Variants in CTNNA3 observed in about 807,000 individuals in gnomAD.
CTNNA3 encodes catenin alpha 3.
Under a neutral mutation model 95.7 loss-of-function variants are expected in CTNNA3, and 76 were observed. The ratio of observed to expected loss-of-function variants is 0.79; its 90% CI spans 0.66 to 0.96. CTNNA3 has a LOEUF of 0.96. CTNNA3 is among the 40% of genes least tolerant of loss of function. The pLI is 0.00. For synonymous variants in CTNNA3, 431 were observed against 374.4 expected, an observed-to-expected ratio of 1.15 and a Z score of -1.74; for missense variants, 1,191 against 1,089.8, an observed-to-expected ratio of 1.09 and a Z score of -1.31.
intron 7 of CTNNA3, among the ~76,000 whole-genome samples, chr10:66,821,646 T>C (rs979459975): frequency 1.3e-5 from 2 of 152,208 alleles, no homozygotes; most frequent in African/African-American, 4.8e-5. Context: ...TTCCTAAATG[T>C]TTAGCATTAT....
At chr10:67,410,839 T>C (rs1845338598) in intron 5 of CTNNA3, among the ~76,000 whole-genome samples, 1 of 152,092 alleles carries the variant, frequency 6.6e-6, no homozygotes, top group Non-Finnish European at 1.5e-5. Context: ...GAAAATGTGT[T>C]ATATATACAC....
chr10:66,299,361 A>T (rs1425775377), intron 12 of CTNNA3, among the ~76,000 whole-genome samples: 9 of 152,226 alleles, frequency 5.9e-5, no homozygotes, highest in Non-Finnish European at 7.3e-5. Context: ...AAATATAGTT[A>T]AAAAATTGTA....
intron 11 of CTNNA3, among the ~76,000 whole-genome samples, chr10:66,500,175 C>T (rs1384113972): frequency 1.3e-5 from 2 of 152,008 alleles, no homozygotes; most frequent in African/African-American, 2.4e-5. Flanking sequence ...CACACATACA[C>T]TATTTATTAT....
chr10:66,214,427 AT>A (rs2088379491), intron 13 of CTNNA3, among the ~76,000 whole-genome samples: 1 of 152,150 alleles, frequency 6.6e-6, no homozygotes, highest in Admixed American at 6.5e-5. Context: ...GTTATTTGTG[AT>A]TGTATATTGA....
At chr10:66,035,690 TG>T (rs1044499947) in intron 15 of CTNNA3, among the ~76,000 whole-genome samples, 1 of 152,010 alleles carries the variant, frequency 6.6e-6, no homozygotes, top group Non-Finnish European at 1.5e-5. Flanking sequence ...TCTTTTACTT[TG>T]GGGGGGTTTC....
intron 6 of CTNNA3, among the ~76,000 whole-genome samples, chr10:67,187,200 A>G (rs1317095588): frequency 6.6e-6 from 1 of 152,184 alleles, no homozygotes; most frequent in Non-Finnish European, 1.5e-5. Context: ...CCATGCTATA[A>G]CTACCATGCA....
At chr10:67,527,448 C>A (rs185917217) in intron 4 of CTNNA3, among the ~76,000 whole-genome samples, 1 of 152,192 alleles carries the variant, frequency 6.6e-6, no homozygotes, top group African/African-American at 2.4e-5. Context: ...TTGAAGAGGA[C>A]CAACAATTAA....
chr10:66,929,079 G>A (rs1227752151), intron 7 of CTNNA3, among the ~76,000 whole-genome samples: 1 of 152,198 alleles, frequency 6.6e-6, no homozygotes, highest in African/African-American at 2.4e-5. Context: ...GGGACAAAGT[G>A]ATGAAGGGTT....
At chr10:65,966,522 C>A in intron 17 of CTNNA3, 90 bp downstream of exon 17, 1 of 1,118,134 alleles carries the variant, frequency 8.9e-7, no homozygotes, top group Non-Finnish European at 1.2e-6. Context: ...CTAATTTTAC[C>A]TAAAAGATTT....
chr10:66,406,970 G>T (rs2093062445), intron 11 of CTNNA3, among the ~76,000 whole-genome samples: 1 of 151,956 alleles, frequency 6.6e-6, no homozygotes, highest in African/African-American at 2.4e-5. Context: ...TTCTTTCAAA[G>T]GATTTTATTT....
At chr10:67,634,804 G>A (rs1839253821) in intron 2 of CTNNA3, among the ~76,000 whole-genome samples, 1 of 152,042 alleles carries the variant, frequency 6.6e-6, no homozygotes, top group African/African-American at 2.4e-5. Flanking sequence ...CACACAATAT[G>A]GGAGCACCCA....
At chr10:66,607,395 A>G (rs1247495848) in intron 10 of CTNNA3, among the ~76,000 whole-genome samples, 2 of 141,756 alleles carry the variant, frequency 1.4e-5, no homozygotes, top group Non-Finnish European at 3.0e-5. Flanking sequence ...ATTCCAAAAT[A>G]TTGAGGAGAA....
rs553810470 is a variant in CTNNA3, at chr10:67,706,346, T to C, written c.-2+57088A>G. 2.2e-3 allele frequency among the ~76,000 whole-genome samples: 333 copies of C among 151,356 alleles called. 1 individual carries two copies. The highest frequency in any genetic ancestry group is 3.1e-3 in the Non-Finnish European group (207 of 67,866). On this transcript the variant is annotated intron_variant, in intron 1 of 17. Coordinates refer to the CTNNA3 transcript ENST00000684154. The stretch of plus-strand genomic sequence containing the variant: ...GTGAAGAGGAGGTAAAAGGTTATAA[T>C]TGCAGTTCTAAAGAGCTAAGTAGGA...
At position 67,230,839 on chromosome 10, in the gene CTNNA3, G is replaced by C. The variant is rs1490252926; in HGVS notation, c.580-10969C>G. Among the ~76,000 whole-genome samples, 3 of 152,198 alleles carry C rather than the reference G, an allele frequency of 2.0e-5. No individual in the cohort carries two copies. The East Asian group carries it at 5.8e-4, about 29-fold the overall frequency. On this transcript the variant is annotated intron_variant, in intron 5 of 17. Transcript: ENST00000433211. ...CACACACCGTGCGCGAGCCGAAGCA[G>C]GGTGAGGCATTGCCTCACTCGGGAA...
rs559624485 is a variant in CTNNA3 at position 67,742,756 on chromosome 10, A to C, written c.-2+20678T>G. ...TCAACAAAATTGATAGACCGCTAGC[A>C]AGACTAATAAGGAAGAAAAGAGAGA... On this transcript the variant is annotated intron_variant, in intron 1 of 17. Transcript: ENST00000684154. Among the ~76,000 whole-genome samples the C allele has an allele frequency of 7.9e-4, 119 of 151,230 alleles. 3 individuals carry two copies. Among genetic ancestry groups the C allele is most frequent in the African/African-American group, 2.6e-3 (109 of 41,382 alleles).
intron 5 of CTNNA3, among the ~76,000 whole-genome samples, chr10:67,304,600 T>C (rs914121881): frequency 2.0e-5 from 3 of 152,188 alleles, no homozygotes; most frequent in Non-Finnish European, 2.9e-5. Flanking sequence ...TTTGGTTTTT[T>C]TTCTACTAAA....
At chr10:67,690,923 G>T (rs929426994) in intron 1 of CTNNA3, among the ~76,000 whole-genome samples, 1 of 151,976 alleles carries the variant, frequency 6.6e-6, no homozygotes, top group African/African-American at 2.4e-5. Flanking sequence ...CTCTTTCCAC[G>T]GTCTCCCTCT....
intron 6 of CTNNA3, among the ~76,000 whole-genome samples, chr10:67,197,919 G>A (rs1298654581): frequency 6.6e-6 from 1 of 152,016 alleles, no homozygotes; most frequent in Non-Finnish European, 1.5e-5. Context: ...AAGCTACATT[G>A]TCTTGGTAAG....
chr10:66,675,447 C>G (rs1419032234), intron 9 of CTNNA3, among the ~76,000 whole-genome samples: 1 of 151,912 alleles, frequency 6.6e-6, no homozygotes, highest in Non-Finnish European at 1.5e-5. Flanking sequence ...TTGAAAATAA[C>G]CAAAATATTC....
Sources: gnomAD v4.1 joint callset for allele counts (sites outside exome capture counted in the v4.1 genomes callset) on GRCh38, gnomAD v4.1.1 for gene constraint, MANE v1.5 for transcripts, NCBI Gene and HGNC (gene_info 2026-07-23, HGNC 2026-07-21) for gene names.